The following FAM222A variants were observed in gnomAD, a reference collection of about 807,000 sequenced individuals.
FAM222A encodes the protein family with sequence similarity 222 member A, also known as protein FAM222A.
Under a neutral mutation model 25.8 loss-of-function variants are expected in FAM222A, and 7 were observed. That is an observed-to-expected ratio of 0.27 (90% CI 0.15 to 0.51). The LOEUF is 0.51. FAM222A is among the 20% of genes least tolerant of loss of function. The probability of loss-of-function intolerance (pLI) is 0.97; values close to 1 mark genes in which losing one functional copy is unlikely to be tolerated. For synonymous variants in FAM222A, 294 were observed against 298.8 expected (o/e 0.98, Z 0.17); for missense variants, 573 against 640.5 (o/e 0.89, Z 1.14).
In FAM222A at chr12:109,769,126, A is replaced by G. The variant is rs12315699; in HGVS notation, c.1197A>G (p.Thr399=). ...TGCCCAGCAAGAGTGTGTGCAACAC[A>G]TCGGTGCTGAGCAGCAGCCTGCAGT... is the stretch of plus-strand genomic sequence containing the variant. ...SGLPSKSVCN[T]SVLSSSLQSL... The change falls in exon 3 of 3, where the codon ACA becomes ACG. Residue 399 remains threonine, a synonymous_variant. Coordinates refer to ENST00000538780, the MANE Select transcript of FAM222A (RefSeq NM_032829.3). 138 of 1,612,126 alleles carry G rather than the reference A, an allele frequency of 8.6e-5. No homozygotes were observed. The African/African-American group carries it at 1.5e-3, about 18-fold the overall frequency.
intron 1 of FAM222A, among the ~76,000 whole-genome samples, chr12:109,727,166 C>T (rs1016938771): frequency 5.3e-5 from 8 of 152,012 alleles, no homozygotes; most frequent in East Asian, 1.9e-4. Flanking sequence ...TCTCTGTGGT[C>T]GGGGTCTTCT....
intron 2 of FAM222A, 84 bp downstream of exon 2, chr12:109,744,312 G>A (rs1888331126): frequency 6.7e-7 from 1 of 1,501,970 alleles, no homozygotes. Context: ...CACCTACCAT[G>A]GCCCTGTCGG....
chr12:109,744,819 T>C (rs1302186891), intron 2 of FAM222A: 3 of 977,464 alleles, frequency 3.1e-6, no homozygotes, highest in Admixed American at 6.2e-5. Context: ...GGATTTCTAC[T>C]ATCTCTTGAA....
chr12:109,732,652 T>C (rs183514086), intron 1 of FAM222A, among the ~76,000 whole-genome samples: 111 of 151,610 alleles, frequency 7.3e-4, no homozygotes, highest in African/African-American at 2.2e-3. Context: ...AGGACGCCCA[T>C]CCTCTGGGCC....
chr12:109,738,654 T>C (rs1566189321), intron 1 of FAM222A, among the ~76,000 whole-genome samples: 4 of 152,238 alleles, frequency 2.6e-5, no homozygotes. Flanking sequence ...TGCTGGGTTT[T>C]GCCAGCTTCC....
Position 109,769,142 on chromosome 12 carries a change from A to G in FAM222A, c.1213A>G (p.Ser405Gly). ...SVCNTSVLSS[S>G]LQSLEYLIND... The stretch of plus-strand genomic sequence containing the variant: ...GTGCAACACATCGGTGCTGAGCAGC[A>G]GCCTGCAGTCACTGGAGTATCTCAT... Residue 405 changes from serine to glycine, a missense_variant, in exon 3 of 3, where the codon AGC (serine) becomes GGC (glycine). This residue lies in a region of FAM222A where 49 missense variants were observed against 78.9 expected (regional missense o/e 0.62). Transcript: ENST00000538780. 6.2e-7 allele frequency: 1 copy of G among 1,612,492 alleles called. No homozygotes were observed. The highest frequency in any genetic ancestry group is 8.5e-7 in the Non-Finnish European group (1 of 1,179,812).
intron 2 of FAM222A, among the ~76,000 whole-genome samples, chr12:109,748,908 T>C (rs1243039283): frequency 1.3e-5 from 2 of 152,190 alleles, no homozygotes; most frequent in Non-Finnish European, 2.9e-5. Flanking sequence ...TTAGTTTTTT[T>C]CCCTTAGAGA....
intron 2 of FAM222A, among the ~76,000 whole-genome samples, chr12:109,747,586 CT>C (rs1172528751): frequency 1.3e-5 from 2 of 152,254 alleles, no homozygotes; most frequent in Non-Finnish European, 2.9e-5. Context: ...AGAAATGACA[CT>C]TTTATGACAC....
intron 1 of FAM222A, among the ~76,000 whole-genome samples, chr12:109,718,102 T>A (rs541542480): frequency 9.2e-5 from 14 of 152,332 alleles, no homozygotes. Context: ...TGGTGAGGAT[T>A]CAGGGAGGGC....
intron 2 of FAM222A, among the ~76,000 whole-genome samples, chr12:109,767,083 T>TTTTC (rs1287384049): frequency 6.7e-6 from 1 of 148,278 alleles, no homozygotes; most frequent in Non-Finnish European, 1.5e-5. Context: ...TTTTTTTTTT[T>TTTTC]TTTCTTATAA....
At chr12:109,745,189 T>C (rs1888364694) in intron 2 of FAM222A, among the ~76,000 whole-genome samples, 1 of 152,220 alleles carries the variant, frequency 6.6e-6, no homozygotes, top group Admixed American at 6.5e-5. Context: ...CTTCCAGATG[T>C]TTTATGTGCA....
At chr12:109,725,367 G>A (rs1160739648) in intron 1 of FAM222A, among the ~76,000 whole-genome samples, 5 of 152,166 alleles carry the variant, frequency 3.3e-5, no homozygotes, top group South Asian at 2.1e-4. Context: ...CGAGGTCACC[G>A]AGGTACTCCA....
rs187229942 is a variant in FAM222A, at chr12:109,744,237, G to C, written c.82+9G>C. On this transcript the variant is annotated intron_variant, in intron 2 of 2. Transcript: ENST00000538780. ...CCTGGAGCTGCGCAAGTGTGAGTAGGACGCCTCCCCAGCCTTTGCAGGGCA... is the reference window on the plus strand; with the variant it reads ...CCTGGAGCTGCGCAAGTGTGAGTAGCACGCCTCCCCAGCCTTTGCAGGGCA... 7.1e-4 allele frequency: 1,138 copies of C among 1,611,546 alleles called. No individual in the cohort carries two copies. The highest frequency in any genetic ancestry group is 8.4e-4 in the Non-Finnish European group (993 of 1,179,488).
rs1208499452 is a variant in FAM222A at position 109,713,952 on chromosome 12, G to A, written c.-992G>A. Among the ~76,000 whole-genome samples, 1 of 146,020 alleles carries A rather than the reference G, an allele frequency of 6.8e-6. No individual in the cohort carries two copies. The highest frequency in any genetic ancestry group is 2.0e-4 in the East Asian group (1 of 5,024). On this transcript the variant is annotated 5_prime_UTR_variant, in exon 1 of 3. Transcript: ENST00000538780. ...TGTGGGGCGCGGCGCGCGGCACCCG[G>A]GCCTGAGACCAGGCGAGGCGCCGGC... is the stretch of plus-strand genomic sequence containing the variant.
At chr12:109,726,119 T>TAAAAAAAAAAACAA (rs1887839534) in intron 1 of FAM222A, among the ~76,000 whole-genome samples, 1 of 110,382 alleles carries the variant, frequency 9.1e-6, no homozygotes, top group Non-Finnish European at 1.8e-5. Context: ...AAAAAATTGC[T>TAAAAAAAAAAACAA]AAAAAAAAAA....
intron 1 of FAM222A, 190 bp from the exon 2 acceptor site, chr12:109,743,911 C>T (rs1344018849): frequency 2.0e-6 from 2 of 985,336 alleles, no homozygotes; most frequent in Non-Finnish European, 2.4e-6. Context: ...TGTCCCTTCC[C>T]ATGAGGCCAC....
intron 2 of FAM222A, among the ~76,000 whole-genome samples, chr12:109,756,227 C>T (rs1888722538): frequency 6.6e-6 from 1 of 152,102 alleles, no homozygotes; most frequent in Admixed American, 6.5e-5. Context: ...TTTTTGGACT[C>T]ATTGTGAATA....
intron 1 of FAM222A, among the ~76,000 whole-genome samples, chr12:109,729,233 G>GTTTTTC (rs1555288522): frequency 3.9e-4 from 59 of 151,634 alleles, no homozygotes; most frequent in Middle Eastern, 3.4e-3. Context: ...TAGAATTCTA[G>GTTTTTC]TTTTTCTTTT....
chr12:109,720,331 G>A (rs1887724797), intron 1 of FAM222A, among the ~76,000 whole-genome samples: 1 of 152,238 alleles, frequency 6.6e-6, no homozygotes, highest in Non-Finnish European at 1.5e-5. Flanking sequence ...GAGTCTGTGG[G>A]GAGGGGGGCC....
Sources: gnomAD v4.1 joint callset for allele counts (sites outside exome capture counted in the v4.1 genomes callset) on GRCh38, gnomAD v4.1.1 for gene constraint, gnomAD v4.1.1 regional missense constraint, MANE v1.5 for transcripts, NCBI Gene and HGNC (gene_info 2026-07-23, HGNC 2026-07-21) for gene names.